Variants in ZFHX3 observed in about 807,000 individuals in gnomAD.
ZFHX3 encodes zinc finger homeobox 3.
In ZFHX3, 42 loss-of-function variants were observed where a neutral mutation model predicts 279.1. The ratio of observed to expected loss-of-function variants is 0.15; its 90% CI spans 0.12 to 0.19. ZFHX3 has a LOEUF of 0.19. Ranked by LOEUF, ZFHX3 falls within the 10% of genes least tolerant of loss-of-function variation. The pLI is 1.00. For synonymous variants in ZFHX3, 2,293 were observed against 1,957.8 expected (o/e 1.17, Z -4.52); for missense variants, 4,981 against 4,754.0 (o/e 1.05, Z -1.40).
intron 2 of ZFHX3, among the ~76,000 whole-genome samples, chr16:73,653,826 G>C (rs944631896): frequency 1.3e-5 from 2 of 152,114 alleles, no homozygotes; most frequent in Non-Finnish European, 2.9e-5. Flanking sequence ...AAAGGTAAAA[G>C]GCATTGAAGA....
intron 1 of ZFHX3, among the ~76,000 whole-genome samples, chr16:73,821,208 T>C (rs1960730785): frequency 6.6e-6 from 1 of 152,200 alleles, no homozygotes; most frequent in African/African-American, 2.4e-5. Context: ...GGGAATTCTA[T>C]CAGAGAACTC....
chr16:73,073,793 C>G (rs1015187655), intron 8 of ZFHX3, among the ~76,000 whole-genome samples: 1 of 152,190 alleles, frequency 6.6e-6, no homozygotes, highest in African/African-American at 2.4e-5. Flanking sequence ...GCCACCAAGC[C>G]CGGCCTGGAC....
chr16:72,917,091 A>G (rs1200261908), intron 3 of ZFHX3, among the ~76,000 whole-genome samples: 2 of 152,104 alleles, frequency 1.3e-5, no homozygotes, highest in Non-Finnish European at 1.5e-5. Context: ...AAACACAAAA[A>G]TTAGCCAGGT....
At chr16:72,933,218 T>C (rs1959917445) in intron 3 of ZFHX3, among the ~76,000 whole-genome samples, 4 of 152,154 alleles carry the variant, frequency 2.6e-5, no homozygotes, top group Admixed American at 2.6e-4. Context: ...ACCAGGTATG[T>C]TACTACCTCT....
chr16:73,634,310 C>CA (rs1375189038), intron 2 of ZFHX3, among the ~76,000 whole-genome samples: 1 of 151,556 alleles, frequency 6.6e-6, no homozygotes, highest in African/African-American at 2.4e-5. Context: ...GAAGTTTTCA[C>CA]ATATAAGTCG....
intron 5 of ZFHX3, among the ~76,000 whole-genome samples, chr16:72,828,653 C>T (rs986734731): frequency 6.6e-6 from 1 of 152,178 alleles, no homozygotes; most frequent in African/African-American, 2.4e-5. Context: ...AGGGCCCTGC[C>T]CAGGCCCCCA....
chr16:72,914,659 A>C (rs2144203482), intron 3 of ZFHX3, among the ~76,000 whole-genome samples: 1 of 152,090 alleles, frequency 6.6e-6, no homozygotes, highest in African/African-American at 2.4e-5. Context: ...GGAACAAGGA[A>C]TGTTTGGGTA....
Position 72,787,739 on chromosome 16 carries a change from TGCCACCGCCGCC to T in ZFHX3, c.10525_10536del (p.Gly3509_Gly3512del), listed in dbSNP as rs896783028. Reference sequence around the variant, plus strand: ...CCGCCACCGCCGCCGCCGCCGCCACTGCCACCGCCGCCGCCGCCGGTGGGGACGTGAAGCACC... The same window carrying T: ...CCGCCACCGCCGCCGCCGCCGCCACTGCCGCCGGTGGGGACGTGAAGCACC... On this transcript the variant is annotated inframe_deletion, in exon 10 of 10. Transcript: ENST00000268489. 5.0e-6 allele frequency: 7 copies of T among 1,396,780 alleles called. No homozygotes were observed. In the African/African-American group the frequency reaches 6.1e-5, roughly 12 times the overall value. 86.5% of individuals were successfully genotyped at this position (1,396,780 alleles called of 1,614,324 possible).
chr16:73,371,244 T>C (rs939183019), intron 3 of ZFHX3, among the ~76,000 whole-genome samples: 4 of 150,328 alleles, frequency 2.7e-5, no homozygotes, highest in Admixed American at 2.0e-4. Context: ...GAGGCGGAGG[T>C]TGCAGTGAGC....
intron 4 of ZFHX3, among the ~76,000 whole-genome samples, chr16:72,884,067 C>T (rs951654897): frequency 2.0e-5 from 3 of 151,454 alleles, no homozygotes; most frequent in Non-Finnish European, 4.4e-5. Flanking sequence ...GGCAGCCTTA[C>T]ACCAACTTTG....
At chr16:73,652,423 C>G (rs987147651) in intron 2 of ZFHX3, among the ~76,000 whole-genome samples, 8 of 152,112 alleles carry the variant, frequency 5.3e-5, no homozygotes, top group African/African-American at 1.7e-4. Flanking sequence ...TTCTTTTAAA[C>G]AAATAAAAAC....
rs368497120 is a variant in ZFHX3, at chr16:72,959,747, G to C, written c.399C>G (p.Ile133Met). 4 of 1,611,474 alleles carry C rather than the reference G, an allele frequency of 2.5e-6. No homozygotes were observed. The highest frequency in any genetic ancestry group is 3.4e-6 in the Non-Finnish European group (4 of 1,178,354). The change falls in exon 2 of 10, where the codon ATC becomes ATG. Residue 133 changes from isoleucine to methionine, a missense_variant. By Grantham distance (10) the Ile-to-Met change is conservative. Transcript: ENST00000268489. ...ACGCGGAGCCGTCCGGCTGGTAGAC[G>C]ATCTCCCCGGCCAGGTTCTCCACGT... ...ESDVENLAGE[I>M]VYQPDGSAYI...
At chr16:73,181,667 C>A (rs1408574502) in intron 5 of ZFHX3, among the ~76,000 whole-genome samples, 1 of 152,172 alleles carries the variant, frequency 6.6e-6, no homozygotes, top group Non-Finnish European at 1.5e-5. Context: ...GAGAACTGAG[C>A]AAACGTGTTC....
At chr16:73,259,133 A>G (rs890032996) in intron 4 of ZFHX3, among the ~76,000 whole-genome samples, 2 of 152,192 alleles carry the variant, frequency 1.3e-5, no homozygotes, top group Non-Finnish European at 2.9e-5. Flanking sequence ...TACAAGTCAC[A>G]GCGCGGGGAA....
intron 1 of ZFHX3, among the ~76,000 whole-genome samples, chr16:73,726,895 C>CCAGGATTCCAGTAGCACACTAGCTA (rs1456187130): frequency 6.6e-6 from 1 of 152,146 alleles, no homozygotes; most frequent in Non-Finnish European, 1.5e-5. Context: ...GGGTCTCTAC[C>CCAGGATTCCAGTAGCACACTAGCTA]CATTAGATTC....
chr16:73,795,544 C>T (rs1353306727), intron 1 of ZFHX3, among the ~76,000 whole-genome samples: 1 of 152,110 alleles, frequency 6.6e-6, no homozygotes, highest in Non-Finnish European at 1.5e-5. Flanking sequence ...ACCTTTCTAT[C>T]TCATTAAAAT....
chr16:73,076,829 G>T (rs1455167073), intron 8 of ZFHX3, among the ~76,000 whole-genome samples: 1 of 152,012 alleles, frequency 6.6e-6, no homozygotes, highest in African/African-American at 2.4e-5. Context: ...TATGTGAATG[G>T]CTGTGCGCAG....
At chr16:72,966,861 T>C (rs2144493560) in intron 1 of ZFHX3, among the ~76,000 whole-genome samples, 1 of 152,324 alleles carries the variant, frequency 6.6e-6, no homozygotes, top group Non-Finnish European at 1.5e-5. Flanking sequence ...TTTCTCAAGA[T>C]TATCACAGTT....
At chr16:73,035,543 T>A (rs2144687186) in intron 1 of ZFHX3, among the ~76,000 whole-genome samples, 1 of 152,262 alleles carries the variant, frequency 6.6e-6, no homozygotes, top group Admixed American at 6.5e-5. Flanking sequence ...AACTCAAGTA[T>A]AAACTAAGAA....
Sources: allele counts gnomAD v4.1 joint callset (sites outside exome capture counted in the v4.1 genomes callset), GRCh38; gene constraint gnomAD v4.1.1; transcripts MANE v1.5; gene names NCBI Gene and HGNC (gene_info 2026-07-23, HGNC 2026-07-21).